Variants in PTBP3 observed in about 807,000 individuals in gnomAD.
PTBP3 encodes polypyrimidine tract binding protein 3, also known as polypyrimidine tract-binding protein 3.
PTBP3 carries 20 observed loss-of-function variants against 58.7 expected under a neutral mutation model. That is an observed-to-expected ratio of 0.34 (90% CI 0.24 to 0.50). PTBP3 has a LOEUF of 0.50. Among genes scored for constraint, PTBP3 ranks in the 20% least tolerant of loss-of-function variants. The probability of loss-of-function intolerance (pLI) is 0.98; values close to 1 mark genes in which losing one functional copy is unlikely to be tolerated. For missense variants in PTBP3, 509 were observed against 637.2 expected (o/e 0.80, Z 2.17); for synonymous variants, 185 against 219.8 (o/e 0.84, Z 1.40).
intron 1 of PTBP3, among the ~76,000 whole-genome samples, chr9:112,309,539 C>T (rs1028984203): frequency 6.6e-6 from 1 of 152,040 alleles, no homozygotes; most frequent in South Asian, 2.1e-4. Flanking sequence ...AATCCCAGCA[C>T]TTTTGGGAGG....
chr9:112,232,296 G>C (rs1387210061), intron 8 of PTBP3, 58 bp from the exon 9 acceptor site: 6 of 1,416,530 alleles, frequency 4.2e-6, no homozygotes, highest in African/African-American at 2.9e-5. Context: ...TGTAACACTT[G>C]ATACAATTTA....
chr9:112,267,199 G>C (rs1298675106), intron 4 of PTBP3, among the ~76,000 whole-genome samples: 2 of 141,096 alleles, frequency 1.4e-5, no homozygotes, highest in Admixed American at 1.5e-4. Flanking sequence ...ACAGAGTCTC[G>C]CTCTCACCCA....
intron 2 of PTBP3, among the ~76,000 whole-genome samples, chr9:112,279,719 C>T (rs917435178): frequency 6.6e-6 from 1 of 152,022 alleles, no homozygotes; most frequent in Admixed American, 6.6e-5. Context: ...AAATGAGGTA[C>T]CTATTTGGGG....
chr9:112,333,047 C>T (rs1188624909), intron 1 of PTBP3: 3 of 1,268,150 alleles, frequency 2.4e-6, no homozygotes, highest in Non-Finnish European at 2.0e-6. Flanking sequence ...AGCAACTCCC[C>T]CGGCAGGAGG....
At chr9:112,319,957 G>A (rs529189351) in intron 1 of PTBP3, among the ~76,000 whole-genome samples, 8 of 152,246 alleles carry the variant, frequency 5.3e-5, no homozygotes, top group Admixed American at 3.3e-4. Context: ...CCACTTACAC[G>A]CAGAATCTAA....
intron 6 of PTBP3, among the ~76,000 whole-genome samples, chr9:112,251,421 G>A (rs1166217307): frequency 1.3e-5 from 2 of 152,072 alleles, no homozygotes. Context: ...CTATTATTAT[G>A]ATTATTTTGC....
the PTBP3 span, among the ~76,000 whole-genome samples, chr9:112,378,211 T>A: frequency 1.9e-4 from 29 of 152,352 alleles, no homozygotes; most frequent in African/African-American, 7.0e-4. Context: ...TTAAATGAAC[T>A]CTAGTCAAAG....
chr9:112,240,065 A>G (rs995957382), intron 7 of PTBP3, among the ~76,000 whole-genome samples: 7 of 152,102 alleles, frequency 4.6e-5, no homozygotes, highest in African/African-American at 1.7e-4. Context: ...TAGGGATTTC[A>G]GTATTGAGGG....
chr9:112,270,283 T>TA (rs1827320739), intron 3 of PTBP3, among the ~76,000 whole-genome samples: 9 of 152,166 alleles, frequency 5.9e-5, no homozygotes, highest in Non-Finnish European at 1.0e-4. Context: ...CCATGTTACA[T>TA]TTTGAAAAAA....
chr9:112,375,949 A>G, the PTBP3 span, among the ~76,000 whole-genome samples: 1 of 152,048 alleles, frequency 6.6e-6, no homozygotes, highest in Non-Finnish European at 1.5e-5. Flanking sequence ...AGAGGCCTCC[A>G]CTGTGATTCA....
chr9:112,341,320 T>C, the PTBP3 span, among the ~76,000 whole-genome samples: 1 of 151,988 alleles, frequency 6.6e-6, no homozygotes, highest in Non-Finnish European at 1.5e-5. Context: ...TTAGTAGAGA[T>C]GGTGTTTCAC....
upstream of PTBP3, among the ~76,000 whole-genome samples, chr9:112,336,326 G>C (rs1022321942): frequency 2.0e-5 from 3 of 152,090 alleles, no homozygotes; most frequent in African/African-American, 7.2e-5. Flanking sequence ...TAGATCCCTA[G>C]AAGTAGAATT....
chr9:112,310,977 G>C (rs192513208), intron 1 of PTBP3, among the ~76,000 whole-genome samples: 1 of 152,342 alleles, frequency 6.6e-6, no homozygotes, highest in Non-Finnish European at 1.5e-5. Context: ...AGCATGCAGG[G>C]CCTTAACGGC....
In PTBP3 at chr9:112,268,075, T is replaced by G. The variant is rs778227006; in HGVS notation, c.325A>C (p.Lys109Gln). 2 of 1,613,298 alleles carry G rather than the reference T, an allele frequency of 1.2e-6. No homozygotes were observed. The highest frequency in any genetic ancestry group is 4.5e-5 in the East Asian group (2 of 44,852). The change falls in exon 4 of 14, where the codon AAG becomes CAG. Residue 109 changes from lysine to glutamine, a missense_variant. Transcript: ENST00000374257. ...GCTTGATTAGGTAGATTGTCAGTCT[T>G]AAGTTCTCTGTGATTGGAATACTGA... ...YIQYSNHREL[K>Q]TDNLPNQARA...
At chr9:112,355,335 G>T in the PTBP3 span, among the ~76,000 whole-genome samples, 2 of 152,174 alleles carry the variant, frequency 1.3e-5, no homozygotes, top group African/African-American at 2.4e-5. Context: ...AGGGATCCAG[G>T]TGTGCTCAAG....
intron 1 of PTBP3, among the ~76,000 whole-genome samples, chr9:112,328,009 A>G (rs1482770239): frequency 6.6e-6 from 1 of 152,196 alleles, no homozygotes; most frequent in African/African-American, 2.4e-5. Context: ...AATCTCTAAA[A>G]ACAACTCAGT....
intron 2 of PTBP3, among the ~76,000 whole-genome samples, chr9:112,292,441 T>A (rs1024525109): frequency 6.6e-6 from 1 of 152,016 alleles, no homozygotes; most frequent in Non-Finnish European, 1.5e-5. Flanking sequence ...TACCAAAGAA[T>A]TAAAAACAGG....
chr9:112,378,929 G>C, the PTBP3 span, among the ~76,000 whole-genome samples: 86,743 of 152,176 alleles, frequency 0.57, 25,562 homozygotes, highest in Non-Finnish European at 0.64. Context: ...GCTCACGCCT[G>C]TAATCCCAGC....
intron 1 of PTBP3, among the ~76,000 whole-genome samples, chr9:112,302,582 C>CTTTTTTTTTTTTTTTTTTTTTTTTTTTTT (rs369208342): frequency 2.7e-5 from 3 of 110,496 alleles, no homozygotes; most frequent in African/African-American, 9.6e-5. Context: ...TATTCTTCAT[C>CTTTTTTTTTTTTTTTTTTTTTTTTTTTTT]TTTTTTTTTT....
Sources: gnomAD v4.1 joint callset for allele counts (sites outside exome capture counted in the v4.1 genomes callset) on GRCh38, gnomAD v4.1.1 for gene constraint, MANE v1.5 for transcripts, NCBI Gene and HGNC (gene_info 2026-07-23, HGNC 2026-07-21) for gene names.